The following PLCB1 variants were observed in gnomAD, a reference collection of about 807,000 sequenced individuals.
PLCB1 encodes 1-phosphatidylinositol 4,5-bisphosphate phosphodiesterase beta-1.
Under a neutral mutation model 161.8 loss-of-function variants are expected in PLCB1, and 46 were observed. The ratio of observed to expected loss-of-function variants is 0.28; its 90% CI spans 0.22 to 0.36. The LOEUF (loss-of-function observed/expected upper bound fraction) is 0.36. Ranked by LOEUF, PLCB1 falls within the 10% of genes least tolerant of loss-of-function variation. The pLI is 1.00. For missense variants in PLCB1, 1,016 were observed against 1,472.5 expected (o/e 0.69, Z 5.07); for synonymous variants, 517 against 503.7 (o/e 1.03, Z -0.35).
intron 3 of PLCB1, among the ~76,000 whole-genome samples, chr20:8,440,174 T>C (rs781474329): frequency 2.6e-5 from 4 of 152,158 alleles, no homozygotes; most frequent in Admixed American, 6.6e-5. Context: ...TAGTGGTGTT[T>C]GGACAGAAAC....
At chr20:8,432,300 A>T (rs2122581805) in intron 3 of PLCB1, among the ~76,000 whole-genome samples, 1 of 152,256 alleles carries the variant, frequency 6.6e-6, no homozygotes, top group South Asian at 2.1e-4. Context: ...CCCGCTGCAA[A>T]CAGCACCAAC....
intron 9 of PLCB1, among the ~76,000 whole-genome samples, chr20:8,670,903 G>T (rs974732859): frequency 2.0e-5 from 3 of 152,200 alleles, no homozygotes; most frequent in South Asian, 2.1e-4. Context: ...AGGAAAAAAC[G>T]TGAGCCGAGA....
At chr20:8,586,721 T>G (rs1892686442) in intron 3 of PLCB1, among the ~76,000 whole-genome samples, 1 of 152,216 alleles carries the variant, frequency 6.6e-6, no homozygotes, top group African/African-American at 2.4e-5. Context: ...AAAATCCATT[T>G]TGATGCAAAT....
At chr20:8,720,458 A>G (rs2123473594) in intron 14 of PLCB1, among the ~76,000 whole-genome samples, 1 of 152,312 alleles carries the variant, frequency 6.6e-6, no homozygotes, top group Middle Eastern at 3.4e-3. Flanking sequence ...GTAGATGTTC[A>G]CAGTACTGGG....
chr20:8,360,604 G>T (rs1222029862), intron 2 of PLCB1, among the ~76,000 whole-genome samples: 6 of 152,152 alleles, frequency 3.9e-5, no homozygotes, highest in Admixed American at 3.9e-4. Flanking sequence ...CTCAGTGAAT[G>T]TTCTTCTCAG....
intron 31 of PLCB1, among the ~76,000 whole-genome samples, chr20:8,878,564 C>A (rs1284779073): frequency 2.6e-5 from 4 of 152,014 alleles, no homozygotes; most frequent in Non-Finnish European, 5.9e-5. Flanking sequence ...GCCCTGAGCG[C>A]CCCCTCACAG....
At chr20:8,476,836 CTA>C (rs964782414) in intron 3 of PLCB1, among the ~76,000 whole-genome samples, 1 of 152,084 alleles carries the variant, frequency 6.6e-6, no homozygotes, top group African/African-American at 2.4e-5. Context: ...GATGAGGAAG[CTA>C]TATGTTTACA....
At chr20:8,494,720 A>G (rs1459323923) in intron 3 of PLCB1, among the ~76,000 whole-genome samples, 1 of 152,122 alleles carries the variant, frequency 6.6e-6, no homozygotes, top group Non-Finnish European at 1.5e-5. Context: ...TAACATAATT[A>G]AGTCATTTAT....
Position 8,536,312 on chromosome 20 carries a change from C to T in PLCB1, c.247-91982C>T, listed in dbSNP as rs565557383. Among the ~76,000 whole-genome samples, 13 of 152,192 alleles carry T rather than the reference C, an allele frequency of 8.5e-5. No individual in the cohort carries two copies. The South Asian group carries it at 1.9e-3, about 22-fold the overall frequency. ...GGAAAAAAACCACCATGTTAGGCGC[C>T]GGATGAGTTTGTTGTGGTTTGAGTT... On this transcript the variant is annotated intron_variant, in intron 3 of 31. Transcript: ENST00000338037.
chr20:8,855,878 T>C (rs752345099), intron 31 of PLCB1, among the ~76,000 whole-genome samples: 3 of 152,236 alleles, frequency 2.0e-5, no homozygotes, highest in Non-Finnish European at 4.4e-5. Context: ...CACAGACTGG[T>C]TATTTTTTAG....
chr20:8,215,684 C>T (rs754046307), intron 2 of PLCB1, among the ~76,000 whole-genome samples: 1 of 151,966 alleles, frequency 6.6e-6, no homozygotes, highest in Non-Finnish European at 1.5e-5. Flanking sequence ...TCAGGTGCTC[C>T]GTGACCATCA....
chr20:8,408,506 A>G (rs963014484), intron 3 of PLCB1, among the ~76,000 whole-genome samples: 2 of 152,080 alleles, frequency 1.3e-5, no homozygotes, highest in African/African-American at 2.4e-5. Context: ...CTGAATTGGA[A>G]GTTTTTTTTA....
intron 3 of PLCB1, among the ~76,000 whole-genome samples, chr20:8,388,112 G>A (rs1987482900): frequency 6.6e-6 from 1 of 151,878 alleles, no homozygotes; most frequent in African/African-American, 2.4e-5. Context: ...CAGGTCAAAT[G>A]ATGAATTTCC....
chr20:8,808,551 T>A (rs1455743886), intron 31 of PLCB1, among the ~76,000 whole-genome samples: 2 of 152,194 alleles, frequency 1.3e-5, no homozygotes, highest in African/African-American at 4.8e-5. Context: ...ATTCAGTCCA[T>A]AAAGGAAGTA....
At chr20:8,366,088 G>A (rs1259310465) in intron 2 of PLCB1, among the ~76,000 whole-genome samples, 1 of 151,992 alleles carries the variant, frequency 6.6e-6, no homozygotes, top group Non-Finnish European at 1.5e-5. Context: ...CTGCTTTCTC[G>A]TCACTCATTC....
At chr20:8,659,431 C>T (rs940752202) in intron 9 of PLCB1, among the ~76,000 whole-genome samples, 8 of 152,066 alleles carry the variant, frequency 5.3e-5, no homozygotes, top group Non-Finnish European at 1.5e-5. Context: ...ATTGAAATAT[C>T]TTCACCAAGA....
At chr20:8,301,444 T>C (rs1304340967) in intron 2 of PLCB1, among the ~76,000 whole-genome samples, 1 of 152,166 alleles carries the variant, frequency 6.6e-6, no homozygotes, top group Non-Finnish European at 1.5e-5. Context: ...ACAGCATTAG[T>C]ACAATTGAAT....
intron 4 of PLCB1, among the ~76,000 whole-genome samples, chr20:8,635,213 C>G (rs1461096790): frequency 6.6e-6 from 1 of 151,654 alleles, no homozygotes; most frequent in African/African-American, 2.4e-5. Flanking sequence ...TTCCCAGGAT[C>G]TAGCTTAGTG....
intron 3 of PLCB1, among the ~76,000 whole-genome samples, chr20:8,432,694 C>T (rs138963961): frequency 0.019 from 2,875 of 152,176 alleles, 33 homozygotes; most frequent in Non-Finnish European, 0.029. Flanking sequence ...TTATTTTCTT[C>T]AGGATCAAAG....
Sources: allele counts gnomAD v4.1 joint callset (sites outside exome capture counted in the v4.1 genomes callset), GRCh38; gene constraint gnomAD v4.1.1; transcripts MANE v1.5; gene names NCBI Gene and HGNC (gene_info 2026-07-23, HGNC 2026-07-21).